ACVR1: variants seen among roughly 807,000 people sequenced by gnomAD.
ACVR1 encodes activin receptor type-1.
In ACVR1, 38 loss-of-function variants were observed where a neutral mutation model predicts 57.1. The observed-to-expected ratio is 0.67, with a 90% CI of 0.51 to 0.87. The LOEUF (loss-of-function observed/expected upper bound fraction) is 0.87. Ranked by LOEUF, ACVR1 falls within the 40% of genes least tolerant of loss-of-function variation. ACVR1 has a pLI of 0.00. For missense variants in ACVR1, 463 were observed against 638.2 expected (o/e 0.73, Z 2.96); for synonymous variants, 212 against 228.1 (o/e 0.93, Z 0.63).
chr2:157,843,997 G>A (rs569214430), intron 1 of ACVR1, among the ~76,000 whole-genome samples: 76 of 152,286 alleles, frequency 5.0e-4, no homozygotes, highest in African/African-American at 1.7e-3. Flanking sequence ...ATAAAGAAAA[G>A]AGAATAATTG....
chr2:157,799,439 G>T lies in ACVR1; in HGVS notation c.55C>A (p.Pro19Thr). ...PVLIMIALPS[P>T]SMEDEKPKVN... ...GTGAGTCACTTACCTTCCATACTAG[G>T]GGAGGGGAGAGCAATCATGATAAGC... The change falls in exon 3 of 11, where the codon CCT (proline) becomes ACT (threonine). Residue 19 changes from proline (P) to threonine (T), a missense_variant. Pro to Thr is a conservative substitution (Grantham distance 38). Transcript: ENST00000434821. 1 of 1,611,536 alleles carries T rather than the reference G, an allele frequency of 6.2e-7. No individual in the cohort carries two copies. Among genetic ancestry groups the T allele is most frequent in the Non-Finnish European group, 8.5e-7 (1 of 1,178,178 alleles).
intron 6 of ACVR1, among the ~76,000 whole-genome samples, chr2:157,773,048 C>G (rs1404305856): frequency 6.6e-6 from 1 of 152,084 alleles, no homozygotes. Flanking sequence ...AGGTCACCTC[C>G]CAAAAGCAAA....
chr2:157,805,218 T>C (rs751889529), intron 2 of ACVR1, among the ~76,000 whole-genome samples: 7 of 152,342 alleles, frequency 4.6e-5, no homozygotes, highest in East Asian at 1.9e-4. Flanking sequence ...TTCTTTCCCA[T>C]TGGAAAATTT....
intron 2 of ACVR1, among the ~76,000 whole-genome samples, chr2:157,812,883 C>T (rs191883741): frequency 6.6e-6 from 1 of 152,264 alleles, no homozygotes; most frequent in African/African-American, 2.4e-5. Context: ...CTTCCTCCCA[C>T]GTACTTCAAT....
intron 8 of ACVR1, among the ~76,000 whole-genome samples, chr2:157,761,537 A>C (rs1480098620): frequency 3.3e-5 from 5 of 152,242 alleles, no homozygotes. Context: ...CACTACATAA[A>C]GGGCAGATTG....
chr2:157,772,811 C>G (rs981263024), intron 6 of ACVR1, among the ~76,000 whole-genome samples: 1 of 152,226 alleles, frequency 6.6e-6, no homozygotes, highest in African/African-American at 2.4e-5. Flanking sequence ...CATTCACAAT[C>G]TGCCGTGGAG....
intron 3 of ACVR1, among the ~76,000 whole-genome samples, chr2:157,796,414 T>G (rs1687125592): frequency 6.7e-6 from 1 of 150,006 alleles, no homozygotes; most frequent in Non-Finnish European, 1.5e-5. Flanking sequence ...ATTAGCTAGT[T>G]GTGGTGGCAC....
chr2:157,784,013 G>T (rs1436570827), intron 3 of ACVR1, among the ~76,000 whole-genome samples: 1 of 152,198 alleles, frequency 6.6e-6, no homozygotes, highest in Non-Finnish European at 1.5e-5. Context: ...TTCTGAACTA[G>T]AATTATGAAG....
At chr2:157,807,563 A>AT (rs914195480) in intron 2 of ACVR1, among the ~76,000 whole-genome samples, 2,462 of 140,992 alleles carry the variant, frequency 0.017, 73 homozygotes, top group African/African-American at 0.057. Context: ...TGACTGGACC[A>AT]TTTTTTTTTT....
chr2:157,853,166 A>C (rs10497193), intron 1 of ACVR1, among the ~76,000 whole-genome samples: 1 of 152,074 alleles, frequency 6.6e-6, no homozygotes, highest in Non-Finnish European at 1.5e-5. Flanking sequence ...ACAATTACCC[A>C]AAAAATAAAT....
chr2:157,855,269 AGTGTGT>A (rs532193935), intron 1 of ACVR1, among the ~76,000 whole-genome samples: 2,632 of 85,094 alleles, frequency 0.031, 79 homozygotes, highest in African/African-American at 0.072. Flanking sequence ...AAAAAAAAAA[AGTGTGT>A]GTGTGTGTGT....
chr2:157,842,964 A>G (rs1330808395), intron 1 of ACVR1, among the ~76,000 whole-genome samples: 1 of 152,234 alleles, frequency 6.6e-6, no homozygotes, highest in Non-Finnish European at 1.5e-5. Context: ...GCCATGTGAT[A>G]CAGAATAAAC....
chr2:157,865,137 T>C (rs1689870221), intron 1 of ACVR1, among the ~76,000 whole-genome samples: 1 of 149,154 alleles, frequency 6.7e-6, no homozygotes, highest in South Asian at 2.1e-4. Context: ...CTCCATTTAC[T>C]GGAAGGACCA....
chr2:157,812,688 G>A (rs906754821), intron 2 of ACVR1, among the ~76,000 whole-genome samples: 7 of 152,084 alleles, frequency 4.6e-5, no homozygotes, highest in Admixed American at 4.6e-4. Flanking sequence ...GCCCAGGTTG[G>A]TACATTACAA....
chr2:157,774,602 G>C (rs1686205577), intron 5 of ACVR1, among the ~76,000 whole-genome samples: 1 of 152,182 alleles, frequency 6.6e-6, no homozygotes, highest in East Asian at 1.9e-4. Flanking sequence ...GACCTCAGGT[G>C]ATCTGCCTGC....
chr2:157,754,147 C>T (rs1283936447), intron 9 of ACVR1, among the ~76,000 whole-genome samples: 1 of 152,146 alleles, frequency 6.6e-6, no homozygotes, highest in African/African-American at 2.4e-5. Context: ...AAAATGCATA[C>T]ATCAAAACAT....
In ACVR1 at chr2:157,796,466, A is replaced by C. The variant is rs1170759126; in HGVS notation, c.67+2961T>G. On this transcript the variant is annotated intron_variant, in intron 3 of 10. Transcript: ENST00000434821. ...CTACTCAGGAGGCTGACGTAGGAGG[A>C]TCACTTGAGCCTGGGAGGAGAAGGT... 2.6e-5 allele frequency among the ~76,000 whole-genome samples: 4 copies of C among 152,096 alleles called. No homozygotes were observed. In the East Asian group the frequency reaches 7.7e-4, roughly 29 times the overall value.
chr2:157,758,774 A>C (rs920584080), intron 9 of ACVR1, among the ~76,000 whole-genome samples: 3 of 151,990 alleles, frequency 2.0e-5, no homozygotes, highest in Non-Finnish European at 4.4e-5. Flanking sequence ...ACATGAATAG[A>C]CCATATGTTA....
intron 1 of ACVR1, chr2:157,838,440 T>C (rs1688867373): frequency 6.6e-6 from 1 of 152,148 alleles, no homozygotes; most frequent in African/African-American, 2.4e-5. Flanking sequence ...AGAATAATAT[T>C]TAGGTGATTT....
Sources: allele counts gnomAD v4.1 joint callset (sites outside exome capture counted in the v4.1 genomes callset), GRCh38; gene constraint gnomAD v4.1.1; transcripts MANE v1.5; gene names NCBI Gene and HGNC (gene_info 2026-07-23, HGNC 2026-07-21).